ZBTB20: variants seen among roughly 807,000 people sequenced by gnomAD.
ZBTB20 encodes the protein zinc finger and BTB domain containing 20.
A neutral mutation model predicts 56.9 loss-of-function variants in ZBTB20; 9 were observed. The ratio of observed to expected loss-of-function variants is 0.16; its 90% CI spans 0.10 to 0.28. ZBTB20 has a LOEUF of 0.28. Ranked by LOEUF, ZBTB20 falls within the 10% of genes least tolerant of loss-of-function variation. The pLI, the probability that ZBTB20 is intolerant of heterozygous loss-of-function variation, is 1.00. For synonymous variants in ZBTB20, 417 were observed against 420.7 expected, an observed-to-expected ratio of 0.99 and a Z score of 0.11; for missense variants, 655 against 1,003.0, an observed-to-expected ratio of 0.65 and a Z score of 4.69.
At chr3:114,498,433 A>T (rs1388587234) in intron 7 of ZBTB20, among the ~76,000 whole-genome samples, 1 of 152,154 alleles carries the variant, frequency 6.6e-6, no homozygotes, top group Non-Finnish European at 1.5e-5. Context: ...TAATGTTCTG[A>T]TCTGTTCTCA....
intron 6 of ZBTB20, among the ~76,000 whole-genome samples, chr3:114,613,957 AT>A (rs2057740244): frequency 6.6e-6 from 1 of 152,106 alleles, no homozygotes; most frequent in African/African-American, 2.4e-5. Flanking sequence ...CCCCACAGTA[AT>A]TTTATAATAA....
chr3:114,972,829 T>G (rs982467003), intron 3 of ZBTB20, among the ~76,000 whole-genome samples: 1 of 152,014 alleles, frequency 6.6e-6, no homozygotes, highest in African/African-American at 2.4e-5. Context: ...TGAGGTTTCT[T>G]TAATTTCTCT....
At chr3:114,986,232 C>T (rs926531576) in intron 2 of ZBTB20, among the ~76,000 whole-genome samples, 4 of 152,056 alleles carry the variant, frequency 2.6e-5, no homozygotes, top group Admixed American at 2.0e-4. Context: ...GCCGCCTAAT[C>T]CTGCAATCCA....
chr3:114,316,426 A>T lies in ZBTB20; in HGVS notation c.*22579T>A, dbSNP rs555265190. 3 of 465,376 alleles carry T rather than the reference A, an allele frequency of 6.4e-6. No individual in the cohort carries two copies. In the Admixed American group the frequency reaches 7.3e-5, roughly 11 times the overall value. 28.8% of individuals were successfully genotyped at this position (465,376 alleles called of 1,614,324 possible). A position where few individuals can be genotyped will look rare whatever the true frequency, so the allele number is the denominator to read the frequency against. ...ATCTGGTTTTGTAATGAGCATCTGG[A>T]TTTGTAATGAGCATCTGATTTTGTT... On this transcript the variant is annotated 3_prime_UTR_variant, in exon 12 of 12. Transcript: ENST00000675478.
chr3:114,782,302 G>C (rs746466286), intron 5 of ZBTB20, among the ~76,000 whole-genome samples: 4 of 152,140 alleles, frequency 2.6e-5, no homozygotes, highest in African/African-American at 9.7e-5. Context: ...CATATTTCTG[G>C]ATTGAATGAC....
intron 3 of ZBTB20, among the ~76,000 whole-genome samples, chr3:114,917,625 T>C (rs558394849): frequency 9.8e-5 from 15 of 152,330 alleles, no homozygotes; most frequent in South Asian, 2.1e-4. Flanking sequence ...TACAGACTCA[T>C]AGAATTACCA....
At chr3:114,680,319 A>G (rs1025195959) in intron 6 of ZBTB20, among the ~76,000 whole-genome samples, 5 of 152,184 alleles carry the variant, frequency 3.3e-5, no homozygotes, top group African/African-American at 1.2e-4. Context: ...TGATAAAATA[A>G]AAAAAAGAAT....
intron 7 of ZBTB20, among the ~76,000 whole-genome samples, chr3:114,487,884 A>G (rs2042309519): frequency 6.6e-6 from 1 of 152,232 alleles, no homozygotes; most frequent in Non-Finnish European, 1.5e-5. Flanking sequence ...CACTTTATTT[A>G]TGAGAACATC....
intron 3 of ZBTB20, chr3:114,930,790 A>T: frequency 3.4e-6 from 1 of 297,482 alleles, no homozygotes; most frequent in Non-Finnish European, 6.8e-6. Flanking sequence ...GAGTAACCCC[A>T]GGAAGTACCT....
At chr3:115,073,013 C>T (rs549706852) in intron 1 of ZBTB20, among the ~76,000 whole-genome samples, 2 of 152,094 alleles carry the variant, frequency 1.3e-5, no homozygotes, top group Non-Finnish European at 2.9e-5. Flanking sequence ...GTTATAAGCA[C>T]AAGGGGTGAT....
intron 2 of ZBTB20, among the ~76,000 whole-genome samples, chr3:115,070,940 T>C (rs1360846600): frequency 6.6e-6 from 1 of 151,940 alleles, no homozygotes; most frequent in Non-Finnish European, 1.5e-5. Flanking sequence ...TTACTACTTA[T>C]GTGATGGAGT....
chr3:114,601,459 G>A (rs191645738), intron 6 of ZBTB20, among the ~76,000 whole-genome samples: 25 of 151,848 alleles, frequency 1.6e-4, no homozygotes, highest in South Asian at 4.2e-4. Flanking sequence ...TCCCATATCC[G>A]TCCTTTATTT....
chr3:114,835,302 C>T (rs2074062440), intron 4 of ZBTB20, among the ~76,000 whole-genome samples: 1 of 152,082 alleles, frequency 6.6e-6, no homozygotes, highest in South Asian at 2.1e-4. Flanking sequence ...CTTGATCTCC[C>T]AGGAAGAGCT....
At chr3:114,748,874 A>G (rs1308159597) in intron 5 of ZBTB20, among the ~76,000 whole-genome samples, 1 of 152,200 alleles carries the variant, frequency 6.6e-6, no homozygotes, top group African/African-American at 2.4e-5. Flanking sequence ...TTGATGATGG[A>G]GGCATTTAAA....
At position 114,493,195 on chromosome 3, in the gene ZBTB20, T is replaced by C. The variant is rs76090961; in HGVS notation, c.-255+7157A>G. 3.1e-3 allele frequency among the ~76,000 whole-genome samples: 468 copies of C among 152,372 alleles called. 1 individual carries two copies. The highest frequency in any genetic ancestry group is 0.011 in the African/African-American group (454 of 41,592). On this transcript the variant is annotated intron_variant, in intron 7 of 11. Transcript: ENST00000675478. ...CTTGTGATTAAAACCAGTTATTGTA[T>C]GCATCAATAATTTATTCTGCTTAGT...
At chr3:114,684,096 G>C (rs1197209785) in intron 6 of ZBTB20, among the ~76,000 whole-genome samples, 1 of 152,150 alleles carries the variant, frequency 6.6e-6, no homozygotes, top group African/African-American at 2.4e-5. Flanking sequence ...ACACTGTCCA[G>C]CTAAGAAAAA....
At chr3:115,091,283 T>C (rs1364202600) in intron 1 of ZBTB20, among the ~76,000 whole-genome samples, 2 of 151,978 alleles carry the variant, frequency 1.3e-5, no homozygotes, top group South Asian at 2.1e-4. Flanking sequence ...TTTTCAACTA[T>C]GATGGTACTT....
Position 115,042,893 on chromosome 3 carries a change from T to C in ZBTB20, c.-507+28326A>G, listed in dbSNP as rs149356469. On this transcript the variant is annotated intron_variant, in intron 2 of 11. Coordinates refer to ENST00000675478, the MANE Select transcript of ZBTB20 (RefSeq NM_001348800.3). ...CTTTATGATCATACCCCATTTTTTG[T>C]ATGCAAAGAAGAAAGGGGACTAATA... Among the ~76,000 whole-genome samples the C allele has an allele frequency of 4.8e-3, 731 of 152,352 alleles. 4 individuals carry two copies. Among genetic ancestry groups the C allele is most frequent in the Admixed American group, 8.0e-3 (123 of 15,302 alleles).
intron 6 of ZBTB20, among the ~76,000 whole-genome samples, chr3:114,659,678 C>T (rs147828675): frequency 6.6e-6 from 1 of 152,154 alleles, no homozygotes; most frequent in Non-Finnish European, 1.5e-5. Context: ...AAGTTACTGG[C>T]TTTTGAACTG....
Sources: allele counts gnomAD v4.1 joint callset (sites outside exome capture counted in the v4.1 genomes callset), GRCh38; gene constraint gnomAD v4.1.1; transcripts MANE v1.5; gene names NCBI Gene and HGNC (gene_info 2026-07-23, HGNC 2026-07-21).